Variants in USP32 observed in about 807,000 individuals in gnomAD.
The protein encoded by USP32 is ubiquitin specific peptidase 32.
USP32 carries 59 observed loss-of-function variants against 204.8 expected under a neutral mutation model. The ratio of observed to expected loss-of-function variants is 0.29; its 90% CI spans 0.23 to 0.36. The LOEUF (loss-of-function observed/expected upper bound fraction) is 0.36. USP32 is among the 10% of genes least tolerant of loss of function. USP32 has a pLI of 1.00. For missense variants in USP32, 1,160 were observed against 1,946.4 expected, an observed-to-expected ratio of 0.60 and a Z score of 7.60; for synonymous variants, 517 against 678.4, an observed-to-expected ratio of 0.76 and a Z score of 3.70.
In USP32 at chr17:60,369,469, A is replaced by G. The variant is rs573280227; in HGVS notation, c.58+22413T>C. Among the ~76,000 whole-genome samples the G allele has an allele frequency of 1.8e-4, 27 of 151,900 alleles. No individual in the cohort carries two copies. In the South Asian group the frequency reaches 3.5e-3, roughly 20 times the overall value. ...AATCCTAACTTTTTACTACACTCCA[A>G]GATAAATTTTGGGTGAATTTTAAAA... is the stretch of plus-strand genomic sequence containing the variant. On this transcript the variant is annotated intron_variant, in intron 1 of 33. Coordinates refer to ENST00000300896, the MANE Select transcript of USP32 (RefSeq NM_032582.4).
chr17:60,230,110 G>A (rs930214384), intron 12 of USP32, among the ~76,000 whole-genome samples: 4 of 152,166 alleles, frequency 2.6e-5, no homozygotes, highest in African/African-American at 7.2e-5. Flanking sequence ...CACTGCGCCC[G>A]ACCACAAATT....
chr17:60,337,633 T>C (rs530141989), intron 2 of USP32, among the ~76,000 whole-genome samples: 11 of 152,266 alleles, frequency 7.2e-5, no homozygotes, highest in Admixed American at 1.3e-4. Flanking sequence ...TCTCAGCTCT[T>C]TGGGAGGCTG....
chr17:60,262,781 A>G (rs1485142475), intron 9 of USP32, among the ~76,000 whole-genome samples: 1 of 152,138 alleles, frequency 6.6e-6, no homozygotes, highest in Non-Finnish European at 1.5e-5. Flanking sequence ...AATGTCTTCT[A>G]TTCTACCCCT....
chr17:60,419,105 G>A (rs2090085005), intron 1 of USP32, among the ~76,000 whole-genome samples: 1 of 152,038 alleles, frequency 6.6e-6, no homozygotes, highest in Admixed American at 6.6e-5. Flanking sequence ...CAAAGACATG[G>A]AATCAACCTA....
rs748631178 is a variant in USP32 at position 60,178,843 on chromosome 17, C to T, written c.*412G>A. Among the ~76,000 whole-genome samples, 18 of 152,328 alleles carry T rather than the reference C, an allele frequency of 1.2e-4. No homozygotes were observed. Among genetic ancestry groups the T allele is most frequent in the South Asian group, 2.1e-4 (1 of 4,830 alleles). Reference sequence around the variant, plus strand: ...GGAAAAAGGAGGTAGCATATCATGTCGTCCCTAGACAACATTATAATTGTT... The same window carrying T: ...GGAAAAAGGAGGTAGCATATCATGTTGTCCCTAGACAACATTATAATTGTT... On this transcript the variant is annotated 3_prime_UTR_variant, in exon 34 of 34. Transcript: ENST00000300896.
intron 8 of USP32, among the ~76,000 whole-genome samples, 191 bp from the exon 9 acceptor site, chr17:60,265,665 G>A (rs757030992): frequency 6.6e-5 from 10 of 152,106 alleles, no homozygotes; most frequent in South Asian, 2.1e-4. Flanking sequence ...CCCAAAGTGC[G>A]GAGATTCCAG....
chr17:60,288,375 G>A, intron 5 of USP32, 148 bp downstream of exon 5: 1 of 900,750 alleles, frequency 1.1e-6, no homozygotes, highest in Non-Finnish European at 1.6e-6. Context: ...AGGAAGTTGA[G>A]ACTGCCGTAA....
intron 3 of USP32, among the ~76,000 whole-genome samples, chr17:60,299,568 TCTCTTAAAGGTCCCAC>T (rs2087522512): frequency 6.6e-6 from 1 of 152,184 alleles, no homozygotes; most frequent in Admixed American, 6.5e-5. Context: ...GATCTAATCA[TCTCTTAAAGGTCCCAC>T]CTCTCAACAC....
At chr17:60,392,447 G>T (rs982119558), upstream of USP32, 90 of 231,022 alleles carry the variant, frequency 3.9e-4, no homozygotes, top group Non-Finnish European at 5.6e-4. Flanking sequence ...CGCTGGCGAC[G>T]GGGGGTGGTG....
At chr17:60,259,546 T>C (rs2086402078) in intron 9 of USP32, among the ~76,000 whole-genome samples, 1 of 152,120 alleles carries the variant, frequency 6.6e-6, no homozygotes, top group African/African-American at 2.4e-5. Flanking sequence ...TAACCTGAAC[T>C]GGAATAAGCG....
intron 2 of USP32, among the ~76,000 whole-genome samples, chr17:60,318,183 AG>A (rs1178591618): frequency 6.6e-6 from 1 of 152,238 alleles, no homozygotes; most frequent in Non-Finnish European, 1.5e-5. Context: ...CTGTGACACT[AG>A]GCTAAAAGCA....
At chr17:60,215,398 T>C (rs1225201159) in intron 16 of USP32, among the ~76,000 whole-genome samples, 1 of 151,770 alleles carries the variant, frequency 6.6e-6, no homozygotes, top group Non-Finnish European at 1.5e-5. Flanking sequence ...CAGAAAACAA[T>C]TGGCATTGAT....
intron 12 of USP32, among the ~76,000 whole-genome samples, chr17:60,235,120 C>A (rs777837750): frequency 1.3e-5 from 2 of 152,054 alleles, no homozygotes; most frequent in African/African-American, 4.8e-5. Context: ...TGTGTTCCTA[C>A]GGAAAACAAA....
At position 60,294,785 on chromosome 17, in the gene USP32, A is replaced by G. The variant is rs1265300667; in HGVS notation, c.309T>C (p.Phe103=). 3 of 1,604,474 alleles carry G rather than the reference A, an allele frequency of 1.9e-6. No homozygotes were observed. The highest frequency in any genetic ancestry group is 3.4e-5 in the Admixed American group (2 of 59,474). The part of the protein sequence containing the change: ...EEKAKYIFSL[F]SSESGNYVIR... ...TAACATAGTTCCCAGATTCACTTGAAAAAAGACTAAAAATGTCTAAGAAAA... is the reference window on the plus strand; with the variant it reads ...TAACATAGTTCCCAGATTCACTTGAGAAAAGACTAAAAATGTCTAAGAAAA... Residue 103 remains phenylalanine, a synonymous_variant, in exon 4 of 34, where the codon TTT becomes TTC. Transcript: ENST00000300896.
chr17:60,347,439 C>T (rs1447923533), intron 1 of USP32, among the ~76,000 whole-genome samples: 10 of 151,740 alleles, frequency 6.6e-5, no homozygotes, highest in African/African-American at 9.7e-5. Flanking sequence ...CTGCAAGCTC[C>T]GCCTCCCAGG....
intron 10 of USP32, among the ~76,000 whole-genome samples, chr17:60,253,805 C>A (rs2145717133): frequency 6.6e-6 from 1 of 151,970 alleles, no homozygotes; most frequent in Non-Finnish European, 1.5e-5. Flanking sequence ...AATAGTTGAC[C>A]CATTTTCATG....
rs574767556 is a variant in USP32 at position 60,339,292 on chromosome 17, G to A, written c.186+6189C>T. On this transcript the variant is annotated intron_variant, in intron 2 of 33. Coordinates refer to ENST00000300896, the MANE Select transcript of USP32 (RefSeq NM_032582.4). The stretch of plus-strand genomic sequence containing the variant: ...TGAGATATGCACATAAGTGCTAAAA[G>A]GTATAAATGGCCGAGCATGGTGGCT... Among the ~76,000 whole-genome samples, 11 of 152,086 alleles carry A rather than the reference G, an allele frequency of 7.2e-5. 1 individual carries two copies. In the South Asian group the frequency reaches 2.3e-3, roughly 32 times the overall value.
At chr17:60,267,077 C>T (rs577929685) in intron 7 of USP32, among the ~76,000 whole-genome samples, 119 of 151,730 alleles carry the variant, frequency 7.8e-4, no homozygotes, top group Non-Finnish European at 1.4e-3. Context: ...GCATGATGCA[C>T]GGTGCCAGGC....
intron 1 of USP32, among the ~76,000 whole-genome samples, chr17:60,386,689 A>C (rs1352895911): frequency 6.6e-6 from 1 of 152,222 alleles, no homozygotes; most frequent in Non-Finnish European, 1.5e-5. Flanking sequence ...ACAATGAACA[A>C]GGAAAAACAA....
Sources: gnomAD v4.1 joint callset for allele counts (sites outside exome capture counted in the v4.1 genomes callset) on GRCh38, gnomAD v4.1.1 for gene constraint, MANE v1.5 for transcripts, NCBI Gene and HGNC (gene_info 2026-07-23, HGNC 2026-07-21) for gene names.